The following MYOCD variants were observed in gnomAD, a reference collection of about 807,000 sequenced individuals.
MYOCD encodes myocardin.
Under a neutral mutation model 96.1 loss-of-function variants are expected in MYOCD, and 32 were observed. The ratio of observed to expected loss-of-function variants is 0.33; its 90% confidence interval spans 0.25 to 0.45. The LOEUF (loss-of-function observed/expected upper bound fraction) is 0.45. Ranked by LOEUF, MYOCD falls within the 20% of genes least tolerant of loss-of-function variation. The probability of loss-of-function intolerance (pLI) is 1.00; values close to 1 mark genes in which losing one functional copy is unlikely to be tolerated. For missense variants in MYOCD, 1,133 were observed against 1,200.6 expected (o/e 0.94, Z 0.83); for synonymous variants, 469 against 469.0 (o/e 1.00, Z 0.00).
intron 13 of MYOCD, 188 bp downstream of exon 13, chr17:12,760,895 T>A (rs112073010): frequency 2.4e-5 from 14 of 571,964 alleles, no homozygotes; most frequent in African/African-American, 1.9e-4. Context: ...AGTGGATGAT[T>A]CCTCACTGCC....
chr17:12,687,836 T>C (rs1389648094), intron 1 of MYOCD, among the ~76,000 whole-genome samples: 1 of 151,968 alleles, frequency 6.6e-6, no homozygotes, highest in Admixed American at 6.6e-5. Context: ...GGAGAGGAGG[T>C]AGAAAGAAAA....
At chr17:12,667,594 G>A (rs1909445033) in intron 1 of MYOCD, among the ~76,000 whole-genome samples, 1 of 152,190 alleles carries the variant, frequency 6.6e-6, no homozygotes, top group Non-Finnish European at 1.5e-5. Context: ...TTTTCTATGA[G>A]GCTGCATTCA....
chr17:12,695,445 A>G (rs1297397670), intron 1 of MYOCD, among the ~76,000 whole-genome samples: 7 of 152,208 alleles, frequency 4.6e-5, no homozygotes, highest in Non-Finnish European at 2.9e-5. Flanking sequence ...GAGGGACACA[A>G]ACATTAAGAC....
rs1358315243 is a variant in MYOCD, at chr17:12,719,634, C to G, written c.253+2213C>G. Among the ~76,000 whole-genome samples the G allele has an allele frequency of 2.7e-5, 4 of 149,592 alleles. No homozygotes were observed. The East Asian group carries it at 7.9e-4, about 29-fold the overall frequency. ...TTGGGAGGCCGAGGCGGGCGGATCA[C>G]CTGAGGTCAGGAGTTTGAGACCAGC... On this transcript the variant is annotated intron_variant, in intron 4 of 13. Coordinates refer to ENST00000425538, the MANE Select transcript of MYOCD (RefSeq NM_001146312.3).
chr17:12,765,033 T>C lies in MYOCD; in HGVS notation c.*1389T>C, dbSNP rs541106412. The C allele has an allele frequency of 1.3e-5, 2 of 152,266 alleles. No homozygotes were observed. Among genetic ancestry groups the C allele is most frequent in the East Asian group, 1.9e-4 (1 of 5,178 alleles). The allele number at this position is 152,266 out of a possible 1,614,324, so 9.4% of individuals were successfully genotyped here. A position where few individuals can be genotyped will look rare whatever the true frequency, so the allele number is the denominator to read the frequency against. On this transcript the variant is annotated 3_prime_UTR_variant, in exon 14 of 14. Transcript: ENST00000425538. ...ATTACATTGTAAAGACAAATATGGA[T>C]GATATTTACAAGAGAGAATTTCAGA...
chr17:12,689,228 A>G (rs1023856731), intron 1 of MYOCD, among the ~76,000 whole-genome samples: 2 of 152,236 alleles, frequency 1.3e-5, no homozygotes, highest in East Asian at 3.9e-4. Context: ...AGGAATATAT[A>G]GCACTGCTAT....
chr17:12,751,420 G>C (rs1284019278), intron 9 of MYOCD, among the ~76,000 whole-genome samples: 1 of 151,976 alleles, frequency 6.6e-6, no homozygotes, highest in African/African-American at 2.4e-5. Flanking sequence ...AGCTTTAATG[G>C]ATCTGTAGTG....
At chr17:12,706,538 T>C (rs2031296171) in intron 2 of MYOCD, among the ~76,000 whole-genome samples, 1 of 152,192 alleles carries the variant, frequency 6.6e-6, no homozygotes, top group Non-Finnish European at 1.5e-5. Context: ...TAAGCCCAAG[T>C]TGTACACATC....
At chr17:12,667,117 G>A (rs1240649600) in intron 1 of MYOCD, among the ~76,000 whole-genome samples, 1 of 152,200 alleles carries the variant, frequency 6.6e-6, no homozygotes, top group Non-Finnish European at 1.5e-5. Context: ...GAACTCTGAT[G>A]TGAACATTAG....
At chr17:12,717,747 A>C (rs148363507) in intron 4 of MYOCD, among the ~76,000 whole-genome samples, 1 of 152,224 alleles carries the variant, frequency 6.6e-6, no homozygotes, top group Non-Finnish European at 1.5e-5. Flanking sequence ...AATCTGGATC[A>C]TCACTCACTT....
rs554374742 is a variant in MYOCD at position 12,693,036 on chromosome 17, G to C, written c.56-12092G>C. Among the ~76,000 whole-genome samples the C allele has an allele frequency of 6.6e-5, 10 of 152,196 alleles. No individual in the cohort carries two copies. The South Asian group carries it at 1.7e-3, about 25-fold the overall frequency. ...ACCTAGTTCCAGCCCCGAGCTACAA[G>C]CGTGGAATCTAGTCCTGGTTCTCCA... On this transcript the variant is annotated intron_variant, in intron 1 of 13. Transcript: ENST00000425538.
intron 2 of MYOCD, among the ~76,000 whole-genome samples, chr17:12,711,191 T>C (rs1407589596): frequency 1.3e-5 from 2 of 151,976 alleles, no homozygotes; most frequent in Admixed American, 1.3e-4. Flanking sequence ...ATTATATATA[T>C]AAAAAAAATT....
At chr17:12,746,123 A>G (rs768257321) in intron 9 of MYOCD, 51 bp downstream of exon 9, 1 of 1,573,766 alleles carries the variant, frequency 6.4e-7, no homozygotes, top group Non-Finnish European at 8.7e-7. Context: ...ATACAACAGT[A>G]TGTTGTTAAC....
chr17:12,731,671 C>T (rs2032174973), intron 5 of MYOCD, among the ~76,000 whole-genome samples: 1 of 152,184 alleles, frequency 6.6e-6, no homozygotes, highest in South Asian at 2.1e-4. Flanking sequence ...GAAACTGAGG[C>T]TCAGAGAGGT....
At chr17:12,758,362 T>C (rs2033073099) in intron 12 of MYOCD, 149 bp downstream of exon 12, 2 of 1,200,768 alleles carry the variant, frequency 1.7e-6, no homozygotes, top group African/African-American at 1.5e-5. Context: ...ATCTAGACAA[T>C]AATTGGAAAA....
intron 2 of MYOCD, 52 bp from the exon 3 acceptor site, chr17:12,715,467 G>A: frequency 2.6e-6 from 4 of 1,536,446 alleles, no homozygotes; most frequent in Non-Finnish European, 3.6e-6. Context: ...CTGCGATACA[G>A]ACCAATGCCC....
chr17:12,707,098 AG>A (rs2031315786), intron 2 of MYOCD, among the ~76,000 whole-genome samples: 2 of 152,196 alleles, frequency 1.3e-5, no homozygotes, highest in South Asian at 4.1e-4. Context: ...AGCTAGAGAT[AG>A]GATGCATCTC....
At chr17:12,699,792 T>C (rs1030763121) in intron 1 of MYOCD, among the ~76,000 whole-genome samples, 8 of 152,016 alleles carry the variant, frequency 5.3e-5, no homozygotes, top group African/African-American at 1.9e-4. Flanking sequence ...AAATAATGCA[T>C]ATACGCAGAT....
chr17:12,666,318 A>G (rs1381070955), intron 1 of MYOCD, 75 bp downstream of exon 1: 6 of 1,120,104 alleles, frequency 5.4e-6, no homozygotes, highest in African/African-American at 4.6e-5. Context: ...CTGCTTTCCA[A>G]TAAATGTTTC....
Sources: allele counts gnomAD v4.1 joint callset (sites outside exome capture counted in the v4.1 genomes callset), GRCh38; gene constraint gnomAD v4.1.1; transcripts MANE v1.5; gene names NCBI Gene and HGNC (gene_info 2026-07-23, HGNC 2026-07-21).